The following LANCL3 variants were observed in gnomAD, a reference collection of about 807,000 sequenced individuals.
The protein encoded by LANCL3 is LanC like family member 3, also known as lanC-like protein 3.
A neutral mutation model predicts 26.5 loss-of-function variants in LANCL3; 19 were observed. That is an observed-to-expected ratio of 0.72 (90% CI 0.50 to 1.05). The LOEUF (loss-of-function observed/expected upper bound fraction) is 1.05, where lower values mean the gene tolerates loss of function less well. Ranked by LOEUF, LANCL3 falls within the 50% of genes least tolerant of loss-of-function variation. The probability of loss-of-function intolerance (pLI) is 0.00; values close to 1 mark genes in which losing one functional copy is unlikely to be tolerated. For synonymous variants in LANCL3, 160 were observed against 166.6 expected (o/e 0.96, Z 0.30); for missense variants, 318 against 362.7 (o/e 0.88, Z 1.00).
chrX:37,652,327 A>G (rs903697644), intron 1 of LANCL3, among the ~76,000 whole-genome samples: 5 of 109,882 alleles, frequency 4.6e-5, no homozygotes, highest in Non-Finnish European at 7.6e-5. Flanking sequence ...TCTCCTCTGC[A>G]TGGAGGTAGT....
At chrX:37,671,405 A>G (rs77512477) in intron 4 of LANCL3, among the ~76,000 whole-genome samples, 1 of 111,735 alleles carries the variant, frequency 8.9e-6, no homozygotes, top group Non-Finnish European at 1.9e-5. Flanking sequence ...TTATCATTAT[A>G]AACATTAGAT....
rs1325871431 is a variant in LANCL3 at position 37,682,097 on chromosome X, ATTTT to A, written c.*6288_*6291del. On this transcript the variant is annotated 3_prime_UTR_variant, in exon 5 of 5. Transcript: ENST00000378619. ...TTGCTGATGTTTTATTTTTATTTTTATTTTTTTATTTTTTTTTTTTTTTGAGACG... is the reference window on the plus strand; with the variant it reads ...TTGCTGATGTTTTATTTTTATTTTTATTTATTTTTTTTTTTTTTTGAGACG... 1 of 107,351 alleles carries A rather than the reference ATTTT, an allele frequency of 9.3e-6. No individual in the cohort carries two copies. The highest frequency in any genetic ancestry group is 1.9e-5 in the Non-Finnish European group (1 of 51,833). The allele number at this position is 107,351 out of a possible 1,213,427, so 8.8% of individuals were successfully genotyped here.
intron 1 of LANCL3, among the ~76,000 whole-genome samples, chrX:37,644,728 C>T (rs1556426503): frequency 1.8e-5 from 2 of 112,422 alleles, no homozygotes; most frequent in Non-Finnish European, 3.8e-5. Context: ...TTATCATAAT[C>T]ATAGTATTAT....
At chrX:37,649,306 G>A (rs1363801956) in intron 1 of LANCL3, among the ~76,000 whole-genome samples, 23 of 111,670 alleles carry the variant, frequency 2.1e-4, no homozygotes, top group Non-Finnish European at 3.4e-4. Flanking sequence ...CCTTTGCAGG[G>A]ACATGAATGA....
chrX:37,605,269 CA>C (rs782300364), intron 1 of LANCL3, among the ~76,000 whole-genome samples: 5 of 110,221 alleles, frequency 4.5e-5, no homozygotes, highest in East Asian at 5.7e-4. Flanking sequence ...TTTTGAAAAG[CA>C]AAAAAAAGAT....
intron 1 of LANCL3, among the ~76,000 whole-genome samples, chrX:37,639,350 G>A (rs1280068313): frequency 1.9e-5 from 2 of 105,129 alleles, no homozygotes; most frequent in Non-Finnish European, 3.9e-5. Flanking sequence ...GTCTTGAGTC[G>A]TTCCTTCACA....
intron 1 of LANCL3, among the ~76,000 whole-genome samples, chrX:37,644,860 G>A (rs1229629764): frequency 3.6e-5 from 4 of 112,440 alleles, no homozygotes; most frequent in African/African-American, 9.7e-5. Context: ...TGGGTCCCAC[G>A]CCCAGAGAGT....
intron 1 of LANCL3, among the ~76,000 whole-genome samples, chrX:37,602,585 GT>G (rs140438775): frequency 2.4e-4 from 27 of 111,561 alleles, no homozygotes; most frequent in Non-Finnish European, 3.6e-4. Flanking sequence ...GTATATATTT[GT>G]TTTTGATTTT....
In LANCL3 at chrX:37,683,824, CTAT is replaced by C. The variant is rs1926994502; in HGVS notation, c.*8018_*8020del. 1 of 111,681 alleles carries C rather than the reference CTAT, an allele frequency of 9.0e-6. No individual in the cohort carries two copies. The highest frequency in any genetic ancestry group is 3.3e-5 in the African/African-American group (1 of 30,754). The allele number at this position is 111,681 out of a possible 1,213,427, so 9.2% of individuals were successfully genotyped here. The stretch of plus-strand genomic sequence containing the variant: ...TACCAAAACATCACTTTCTATAAGT[CTAT>C]TATTATGTACATAATATTTTTAAAA... On this transcript the variant is annotated 3_prime_UTR_variant, in exon 5 of 5. Transcript: ENST00000378619.
At chrX:37,601,928 G>A (rs1924584597) in intron 1 of LANCL3, among the ~76,000 whole-genome samples, 2 of 111,982 alleles carry the variant, frequency 1.8e-5, no homozygotes, top group African/African-American at 6.5e-5. Context: ...CAAGAAAGAA[G>A]GGAGAGATTG....
intron 1 of LANCL3, among the ~76,000 whole-genome samples, chrX:37,645,153 G>A (rs1274675747): frequency 8.9e-6 from 1 of 112,497 alleles, no homozygotes; most frequent in Non-Finnish European, 1.9e-5. Context: ...CAGCAGTCAG[G>A]CTGTAAGAAT....
chrX:37,599,238 T>G (rs1231019941), intron 1 of LANCL3, among the ~76,000 whole-genome samples: 1 of 112,229 alleles, frequency 8.9e-6, no homozygotes, highest in Non-Finnish European at 1.9e-5. Context: ...TATCAGTATG[T>G]TATTTTGTGA....
In LANCL3 at chrX:37,680,646, C is replaced by A. The variant is rs1327112015; in HGVS notation, c.*4833C>A. 8.9e-6 allele frequency: 1 copy of A among 111,865 alleles called. No homozygotes were observed. Among genetic ancestry groups the A allele is most frequent in the East Asian group, 2.8e-4 (1 of 3,583 alleles). 9.2% of individuals were successfully genotyped at this position (111,865 alleles called of 1,213,427 possible). A position where few individuals can be genotyped will look rare whatever the true frequency, so the allele number is the denominator to read the frequency against. ...TGGTGAGTTATGTGGATTAAAAGAA[C>A]AGACTATCCTCTCTCTTTTTTTGTC... On this transcript the variant is annotated 3_prime_UTR_variant, in exon 5 of 5. Coordinates refer to ENST00000378619, the MANE Select transcript of LANCL3 (RefSeq NM_001170331.2).
At chrX:37,636,313 C>T (rs1462780052) in intron 1 of LANCL3, among the ~76,000 whole-genome samples, 1 of 111,595 alleles carries the variant, frequency 9.0e-6, no homozygotes, top group South Asian at 3.7e-4. Flanking sequence ...GATATCTATT[C>T]CTTTGGGTAT....
chrX:37,663,351 T>C (rs1456366297), intron 3 of LANCL3, among the ~76,000 whole-genome samples: 1 of 111,889 alleles, frequency 8.9e-6, no homozygotes, highest in Non-Finnish European at 1.9e-5. Flanking sequence ...CAGGGAAGGC[T>C]TCCTGGAGGT....
chrX:37,670,342 T>C (rs1556435670), intron 4 of LANCL3, among the ~76,000 whole-genome samples: 2 of 111,865 alleles, frequency 1.8e-5, no homozygotes, highest in African/African-American at 6.5e-5. Context: ...TTTAAGTATT[T>C]TTCTTGTCAA....
chrX:37,632,211 C>T (rs1925541873), intron 1 of LANCL3, among the ~76,000 whole-genome samples: 1 of 111,629 alleles, frequency 9.0e-6, no homozygotes, highest in Non-Finnish European at 1.9e-5. Context: ...TATGTAATGC[C>T]CTTCTTTGTC....
intron 4 of LANCL3, among the ~76,000 whole-genome samples, chrX:37,670,309 T>C (rs61322519): frequency 0.33 from 36,624 of 110,698 alleles, 6,862 homozygotes; most frequent in African/African-American, 0.73. Context: ...TAATTTTGTT[T>C]GTAGCCTTTG....
chrX:37,653,427 C>G (rs1474421720), intron 1 of LANCL3, among the ~76,000 whole-genome samples: 3 of 112,105 alleles, frequency 2.7e-5, no homozygotes, highest in Non-Finnish European at 5.6e-5. Flanking sequence ...AATTCAGTGA[C>G]TGTTTCCTAC....
Sources: allele counts gnomAD v4.1 joint callset (sites outside exome capture counted in the v4.1 genomes callset), GRCh38; gene constraint gnomAD v4.1.1; transcripts MANE v1.5; gene names NCBI Gene and HGNC (gene_info 2026-07-23, HGNC 2026-07-21).